UBE3A: variants seen among roughly 807,000 people sequenced by gnomAD.
UBE3A encodes ubiquitin-protein ligase E3A.
UBE3A carries 6 observed loss-of-function variants against 83.4 expected under a neutral mutation model. The ratio of observed to expected loss-of-function variants is 0.07; its 90% CI spans 0.04 to 0.14. The LOEUF (loss-of-function observed/expected upper bound fraction) is 0.14, where lower values mean the gene tolerates loss of function less well. UBE3A is among the 10% of genes least tolerant of loss of function. The probability of loss-of-function intolerance (pLI) is 1.00; values close to 1 mark genes in which losing one functional copy is unlikely to be tolerated. For synonymous variants in UBE3A, 337 were observed against 355.4 expected, an observed-to-expected ratio of 0.95 and a Z score of 0.58; for missense variants, 456 against 1,036.1, an observed-to-expected ratio of 0.44 and a Z score of 7.69.
intron 4 of UBE3A, among the ~76,000 whole-genome samples, chr15:25,394,646 C>T (rs1394479485): frequency 1.3e-5 from 2 of 152,152 alleles, no homozygotes; most frequent in East Asian, 3.9e-4. Flanking sequence ...TTATGGAGCA[C>T]AGTCACTTGC....
In UBE3A at chr15:25,370,998, T is replaced by C; in HGVS notation, c.1176A>G (p.Glu392=). 1.2e-6 allele frequency: 2 copies of C among 1,614,138 alleles called. No individual in the cohort carries two copies. Among genetic ancestry groups the C allele is most frequent in the Non-Finnish European group, 1.7e-6 (2 of 1,180,010 alleles). ...GGEVDTNHNE[E]DDEEPIPESS... is the part of the protein sequence containing the mutation. ...ACTCAGGGATGGGCTCTTCATCATC[T>C]TCTTCATTGTGATTTGTGTCCACTT... Residue 392 remains glutamate (E), a synonymous_variant, in exon 6 of 13, where the codon GAA becomes GAG. Transcript: ENST00000648336. This position sits in a 1 kb window ranked among gnomAD's most constrained non-coding sequence, Gnocchi z 4.2.
chr15:25,355,049 G>A (rs1387885184), intron 9 of UBE3A, among the ~76,000 whole-genome samples: 1 of 152,112 alleles, frequency 6.6e-6, no homozygotes, highest in Non-Finnish European at 1.5e-5. Context: ...GTATTAAACA[G>A]AACTGAATAT....
chr15:25,349,116 C>T (rs1031215659), intron 11 of UBE3A, among the ~76,000 whole-genome samples: 6 of 152,296 alleles, frequency 3.9e-5, no homozygotes, highest in South Asian at 2.1e-4. Context: ...TCCAGAAACA[C>T]GGCTCACACA....
intron 1 of UBE3A, among the ~76,000 whole-genome samples, chr15:25,413,639 C>T (rs1314758432): frequency 6.6e-6 from 1 of 152,122 alleles, no homozygotes; most frequent in Non-Finnish European, 1.5e-5. Context: ...CCCTCAACTC[C>T]ATTAGCTCCT....
rs1419083528 is a variant in UBE3A, at chr15:25,335,929, G to GAT, written c.*3206_*3207dup. Reference sequence around the variant, plus strand: ...AAGCTAGGGTGTTGTCAAGGTTATAGATGTTACTGATTTTGGCAATGAGGA... The same window carrying GAT: ...AAGCTAGGGTGTTGTCAAGGTTATAGATATGTTACTGATTTTGGCAATGAGGA... On this transcript the variant is annotated 3_prime_UTR_variant, in exon 13 of 13. Transcript: ENST00000648336. The GAT allele has an allele frequency of 6.6e-6, 1 of 152,308 alleles. No homozygotes were observed. Among genetic ancestry groups the GAT allele is most frequent in the East Asian group, 1.9e-4 (1 of 5,184 alleles). The allele number at this position is 152,308 out of a possible 1,614,324, so 9.4% of individuals were successfully genotyped here. A position where few individuals can be genotyped will look rare whatever the true frequency, so the allele number is the denominator to read the frequency against.
At chr15:25,385,263 C>A (rs1337485433) in intron 4 of UBE3A, among the ~76,000 whole-genome samples, 1 of 152,094 alleles carries the variant, frequency 6.6e-6, no homozygotes, top group African/African-American at 2.4e-5. Context: ...AACAAAAAAT[C>A]TAGTTAAAAA....
At chr15:25,377,928 T>C (rs1173352688) in intron 4 of UBE3A, among the ~76,000 whole-genome samples, 5 of 152,144 alleles carry the variant, frequency 3.3e-5, no homozygotes, top group East Asian at 3.9e-4. Context: ...GATGAACCCA[T>C]TGTTATTTCA....
At chr15:25,366,986 G>A (rs953981594) in intron 6 of UBE3A, among the ~76,000 whole-genome samples, 10 of 151,362 alleles carry the variant, frequency 6.6e-5, no homozygotes, top group Non-Finnish European at 1.0e-4. Flanking sequence ...TTCCCATTCA[G>A]ATGTGAAGGC....
At chr15:25,413,583 T>TA (rs1035417371) in intron 1 of UBE3A, among the ~76,000 whole-genome samples, 5 of 152,158 alleles carry the variant, frequency 3.3e-5, no homozygotes, top group Non-Finnish European at 7.4e-5. Flanking sequence ...AGTTAAGACT[T>TA]AAAAAGTTTT....
At chr15:25,355,318 G>A (rs2077070230) in intron 9 of UBE3A, among the ~76,000 whole-genome samples, 1 of 152,138 alleles carries the variant, frequency 6.6e-6, no homozygotes, top group South Asian at 2.1e-4. Context: ...AGGAAAATGT[G>A]CTTTGTACCC....
At chr15:25,415,880 C>T (rs1389362576) in intron 1 of UBE3A, 1 of 145,686 alleles carries the variant, frequency 6.9e-6, no homozygotes, top group East Asian at 2.0e-4. Context: ...GGAATCAGGA[C>T]CCATGGCCTT....
In UBE3A at chr15:25,343,763, C is replaced by T. The variant is rs536452247; in HGVS notation, c.2355-3535G>A. ...AGCGTTAAAGGACTAATCTCCTTAA[C>T]ATATAAAGTTTCTAAAAGTGAAGAA... On this transcript the variant is annotated intron_variant, in intron 11 of 12. Transcript: ENST00000648336. Among the ~76,000 whole-genome samples, 4 of 149,772 alleles carry T rather than the reference C, an allele frequency of 2.7e-5. No homozygotes were observed. The South Asian group carries it at 9.2e-4, about 35-fold the overall frequency.
intron 7 of UBE3A, among the ~76,000 whole-genome samples, chr15:25,359,443 G>A (rs894496375): frequency 6.6e-5 from 10 of 151,350 alleles, no homozygotes; most frequent in Non-Finnish European, 1.5e-4. Flanking sequence ...GTGTGTGTGT[G>A]TGTGTGTGTG....
chr15:25,359,418 CGTGTGT>C (rs60677664), intron 7 of UBE3A, among the ~76,000 whole-genome samples: 7,326 of 138,934 alleles, frequency 0.053, 292 homozygotes, highest in African/African-American at 0.12. Flanking sequence ...ATAAGGGATG[CGTGTGT>C]GTGTGTGTGT....
At chr15:25,400,579 T>G (rs569410296) in intron 4 of UBE3A, among the ~76,000 whole-genome samples, 2 of 152,354 alleles carry the variant, frequency 1.3e-5, no homozygotes, top group South Asian at 4.1e-4. Flanking sequence ...CTATTATACA[T>G]GGAATTGTCT....
intron 6 of UBE3A, among the ~76,000 whole-genome samples, chr15:25,364,555 CTA>C (rs1362353886): frequency 6.6e-6 from 1 of 151,558 alleles, no homozygotes; most frequent in African/African-American, 2.4e-5. Flanking sequence ...ATTTGGAGGA[CTA>C]TGTCTAAACA....
At chr15:25,356,083 GCCA>G in intron 8 of UBE3A, 27 bp from the exon 9 acceptor site, 1 of 1,611,666 alleles carries the variant, frequency 6.2e-7, no homozygotes, top group Admixed American at 1.7e-5. Flanking sequence ...GTAAATTGAG[GCCA>G]CCATAGAACT....
At chr15:25,348,784 A>G (rs1022303319) in intron 11 of UBE3A, among the ~76,000 whole-genome samples, 8 of 152,224 alleles carry the variant, frequency 5.3e-5, no homozygotes, top group Non-Finnish European at 8.8e-5. Flanking sequence ...AAAAACTATA[A>G]AACAGTGCTG....
At chr15:25,382,957 G>C (rs1025208435) in intron 4 of UBE3A, among the ~76,000 whole-genome samples, 1 of 151,546 alleles carries the variant, frequency 6.6e-6, no homozygotes, top group Non-Finnish European at 1.5e-5. Flanking sequence ...GTCCAACAAC[G>C]CCAGGGCTTC....
Sources: allele counts gnomAD v4.1 joint callset (sites outside exome capture counted in the v4.1 genomes callset), GRCh38; gene constraint gnomAD v4.1.1; non-coding constraint Gnocchi (gnomAD v3.1); transcripts MANE v1.5; gene names NCBI Gene and HGNC (gene_info 2026-07-23, HGNC 2026-07-21).